GABBR2: variants seen among roughly 807,000 people sequenced by gnomAD.
GABBR2 encodes gamma-aminobutyric acid type B receptor subunit 2, also known as G-protein coupled receptor 51.
Under a neutral mutation model 105.6 loss-of-function variants are expected in GABBR2, and 23 were observed. The ratio of observed to expected loss-of-function variants is 0.22; its 90% CI spans 0.16 to 0.31. The LOEUF (loss-of-function observed/expected upper bound fraction) is 0.31, where lower values mean the gene tolerates loss of function less well. GABBR2 is among the 10% of genes least tolerant of loss of function. The pLI is 1.00. For missense variants in GABBR2, 734 were observed against 1,245.5 expected (o/e 0.59, Z 6.18); for synonymous variants, 478 against 499.7 (o/e 0.96, Z 0.58).
chr9:98,685,159 G>A (rs1830604681), intron 1 of GABBR2, among the ~76,000 whole-genome samples: 2 of 152,198 alleles, frequency 1.3e-5, no homozygotes, highest in African/African-American at 4.8e-5. Flanking sequence ...TGAGTCTTCT[G>A]GCCTCCATCT....
Position 98,593,151 on chromosome 9 carries a change from A to T in GABBR2, c.322-15079T>A, listed in dbSNP as rs145831080. The stretch of plus-strand genomic sequence containing the variant: ...GTGAGCCACCATGCCTGGCCATTCT[A>T]ATTATTTTTAAGTGTACAACTCAGT... On this transcript the variant is annotated intron_variant, in intron 1 of 18. Transcript: ENST00000259455. 4.8e-3 allele frequency among the ~76,000 whole-genome samples: 736 copies of T among 152,058 alleles called. 8 individuals are homozygous for T. Among genetic ancestry groups the T allele is most frequent in the African/African-American group, 0.016 (684 of 41,464 alleles).
chr9:98,615,187 C>A (rs148667953), intron 1 of GABBR2, among the ~76,000 whole-genome samples: 2 of 152,268 alleles, frequency 1.3e-5, no homozygotes, highest in East Asian at 3.9e-4. Flanking sequence ...ATCACCAGCC[C>A]CTAGCAGGAT....
At chr9:98,663,415 T>C (rs569707873) in intron 1 of GABBR2, among the ~76,000 whole-genome samples, 1 of 151,984 alleles carries the variant, frequency 6.6e-6, no homozygotes, top group African/African-American at 2.4e-5. Context: ...TCCCAAATAC[T>C]AAAAGGCCAG....
chr9:98,357,993 C>T (rs769638937), intron 13 of GABBR2, among the ~76,000 whole-genome samples: 12 of 152,322 alleles, frequency 7.9e-5, no homozygotes, highest in South Asian at 4.1e-4. Context: ...TGTTTTTGCT[C>T]ATTGCTGTGT....
chr9:98,550,849 AG>A (rs1430557716), intron 2 of GABBR2, among the ~76,000 whole-genome samples: 1 of 152,160 alleles, frequency 6.6e-6, no homozygotes, highest in African/African-American at 2.4e-5. Context: ...GAGAGTTCAT[AG>A]ATACTGGATT....
intron 3 of GABBR2, among the ~76,000 whole-genome samples, chr9:98,514,317 G>A (rs1229243442): frequency 1.5e-5 from 2 of 129,048 alleles, no homozygotes; most frequent in South Asian, 2.5e-4. Flanking sequence ...TGACGAGTTA[G>A]TGGGTGCAGC....
At chr9:98,503,559 A>G (rs1447919479) in intron 3 of GABBR2, among the ~76,000 whole-genome samples, 1 of 152,136 alleles carries the variant, frequency 6.6e-6, no homozygotes, top group Non-Finnish European at 1.5e-5. Flanking sequence ...TGGAGGCTAG[A>G]TGATATGATA....
intron 11 of GABBR2, among the ~76,000 whole-genome samples, chr9:98,381,682 C>T (rs151279934): frequency 0.021 from 3,214 of 152,314 alleles, 42 homozygotes; most frequent in Non-Finnish European, 0.031. Context: ...TGTAGAGCTT[C>T]TAAAACAGCC....
chr9:98,553,463 G>A (rs1009245457), intron 2 of GABBR2, among the ~76,000 whole-genome samples: 5 of 151,966 alleles, frequency 3.3e-5, no homozygotes, highest in South Asian at 2.1e-4. Flanking sequence ...ATTGTGGTTC[G>A]AGTTTGTGGT....
chr9:98,487,619 T>A (rs1827086692), intron 4 of GABBR2, among the ~76,000 whole-genome samples: 1 of 151,430 alleles, frequency 6.6e-6, no homozygotes, highest in South Asian at 2.1e-4. Flanking sequence ...TACAAATATA[T>A]ATATATATAT....
chr9:98,409,222 G>T (rs1277728004), intron 7 of GABBR2, among the ~76,000 whole-genome samples: 3 of 152,192 alleles, frequency 2.0e-5, no homozygotes, highest in Non-Finnish European at 1.5e-5. Context: ...CATGACAAAG[G>T]GTCTGGACAT....
rs78645274 is a variant in GABBR2 at position 98,622,908 on chromosome 9, C to T, written c.322-44836G>A. ...CTGTAATGGTGGCTATGTATCATTA[C>T]GTATTTGTCCAAACCCACAGAATGT... On this transcript the variant is annotated intron_variant, in intron 1 of 18. Coordinates refer to ENST00000259455, the MANE Select transcript of GABBR2 (RefSeq NM_005458.8). Among the ~76,000 whole-genome samples, 860 of 152,292 alleles carry T rather than the reference C, an allele frequency of 5.6e-3. 20 individuals carry two copies. The highest frequency in any genetic ancestry group is 0.055 in the East Asian group (285 of 5,184).
chr9:98,514,672 A>T, intron 3 of GABBR2, among the ~76,000 whole-genome samples: 1 of 119,958 alleles, frequency 8.3e-6, no homozygotes, highest in South Asian at 3.1e-4. Context: ...GGGGGGAGGG[A>T]TAGCATTAGG....
intron 13 of GABBR2, among the ~76,000 whole-genome samples, chr9:98,312,078 A>C (rs776001676): frequency 6.6e-6 from 1 of 152,238 alleles, no homozygotes; most frequent in Admixed American, 6.5e-5. Flanking sequence ...TTTCCTAAGA[A>C]CAAGGGATTC....
At chr9:98,474,713 C>T (rs767653714) in intron 5 of GABBR2, among the ~76,000 whole-genome samples, 22 of 152,178 alleles carry the variant, frequency 1.4e-4, no homozygotes, top group Non-Finnish European at 2.6e-4. Context: ...TGCTCTGGAC[C>T]CTGGGAAGGT....
Position 98,708,727 on chromosome 9 carries a change from G to A in GABBR2, c.11C>T (p.Pro4Leu), listed in dbSNP as rs1830938515. The A allele has an allele frequency of 1.0e-6, 1 of 989,014 alleles. No individual in the cohort carries two copies. The highest frequency in any genetic ancestry group is 1.2e-6 in the Non-Finnish European group (1 of 834,130). The allele number at this position is 989,014 out of a possible 1,614,324, so 61.3% of individuals were successfully genotyped here. MAS[P>L]RSSGQPGPPP... is the part of the protein sequence containing the mutation. ...CGGCCCGGGCTGCCCGGAGCTCCGC[G>A]GGGAAGCCATGCCGCGCCGCGGGCT... Residue 4 changes from proline to leucine, a missense_variant, in exon 1 of 19, where the codon CCG becomes CTG. Pro to Leu is a moderately conservative substitution (Grantham distance 98). Coordinates refer to ENST00000259455, the MANE Select transcript of GABBR2 (RefSeq NM_005458.8).
intron 13 of GABBR2, among the ~76,000 whole-genome samples, chr9:98,338,902 G>A (rs899017374): frequency 6.6e-6 from 1 of 152,078 alleles, no homozygotes; most frequent in African/African-American, 2.4e-5. Context: ...AATGTTGAAT[G>A]GAAAAACAAA....
chr9:98,336,278 G>A (rs1831113262), intron 13 of GABBR2, among the ~76,000 whole-genome samples: 1 of 152,252 alleles, frequency 6.6e-6, no homozygotes, highest in Admixed American at 6.5e-5. Context: ...GGTGAGCACA[G>A]GGAGAGGAAC....
At chr9:98,694,608 T>C (rs1830725510) in intron 1 of GABBR2, among the ~76,000 whole-genome samples, 1 of 152,252 alleles carries the variant, frequency 6.6e-6, no homozygotes, top group African/African-American at 2.4e-5. Context: ...AAAGATGTTA[T>C]TGGAAATATC....
Sources: gnomAD v4.1 joint callset for allele counts (sites outside exome capture counted in the v4.1 genomes callset) on GRCh38, gnomAD v4.1.1 for gene constraint, MANE v1.5 for transcripts, NCBI Gene and HGNC (gene_info 2026-07-23, HGNC 2026-07-21) for gene names.